Variants in CUL3 observed in about 807,000 individuals in gnomAD.
CUL3 encodes the protein cullin 3.
CUL3 carries 19 observed loss-of-function variants against 89.1 expected under a neutral mutation model. That is an observed-to-expected ratio of 0.21 (90% confidence interval 0.15 to 0.31). CUL3 has a LOEUF of 0.31. CUL3 is among the 10% of genes least tolerant of loss of function. The pLI, the probability that CUL3 is intolerant of heterozygous loss-of-function variation, is 1.00. For synonymous variants in CUL3, 351 were observed against 308.4 expected (o/e 1.14, Z -1.45); for missense variants, 469 against 942.3 (o/e 0.50, Z 6.58).
chr2:224,552,381 A>G (rs1694546176), intron 2 of CUL3, among the ~76,000 whole-genome samples: 1 of 152,196 alleles, frequency 6.6e-6, no homozygotes, highest in Admixed American at 6.5e-5. Flanking sequence ...CTAAATTCCT[A>G]TGGGTGTCAG....
chr2:224,514,493 T>A, intron 4 of CUL3, 119 bp downstream of exon 4: 1 of 800,858 alleles, frequency 1.2e-6, no homozygotes, highest in African/African-American at 1.7e-5. Context: ...TTTCTGAGGA[T>A]TTTCCCAATG....
intron 13 of CUL3, 45 bp from the exon 14 acceptor site, chr2:224,482,123 AAAGT>A (rs1691557250): frequency 6.7e-7 from 1 of 1,491,298 alleles, no homozygotes; most frequent in East Asian, 2.4e-5. Context: ...TTGAAAGATT[AAAGT>A]TAGTTAATTA....
At chr2:224,480,752 C>A (rs1053589999) in intron 14 of CUL3, among the ~76,000 whole-genome samples, 7 of 152,074 alleles carry the variant, frequency 4.6e-5, no homozygotes, top group African/African-American at 9.7e-5. Flanking sequence ...GCCCTAAAAT[C>A]CAAAACCTGC....
Position 224,513,526 on chromosome 2 carries a change from GA to G in CUL3, c.651del (p.Gln218ArgfsTer8). 6.5e-7 allele frequency: 1 copy of G among 1,543,234 alleles called. No homozygotes were observed. Among genetic ancestry groups the G allele is most frequent in the African/African-American group, 1.4e-5 (1 of 72,392 alleles). ...APFLEMSAEFFQMESQKFLAE... is the reference protein window; with the variant it reads ...APFLEMSAEFXQMESQKFLAE... Reference sequence around the variant, plus strand: ...TTATTTACATTTTCACGGATTACCTGAAAAAATTCTGCAGACATTTCCAAAA... The same window carrying G: ...TTATTTACATTTTCACGGATTACCTGAAAAATTCTGCAGACATTTCCAAAA... On this transcript the variant is annotated frameshift_variant, in exon 5 of 16. Coordinates refer to ENST00000264414, the MANE Select transcript of CUL3 (RefSeq NM_003590.5). LOFTEE classifies it high-confidence loss of function.
At chr2:224,562,084 T>A (rs1694919976) in intron 1 of CUL3, among the ~76,000 whole-genome samples, 1 of 152,170 alleles carries the variant, frequency 6.6e-6, no homozygotes, top group Admixed American at 6.5e-5. Context: ...CCAGAGTAAA[T>A]TACTAAATTT....
intron 14 of CUL3, chr2:224,480,009 A>G (rs1691473537): frequency 6.7e-6 from 1 of 149,574 alleles, no homozygotes. Flanking sequence ...CTAACACAAC[A>G]CTCCTCACTT....
chr2:224,538,825 A>G (rs1300490374), intron 2 of CUL3, among the ~76,000 whole-genome samples: 2 of 152,212 alleles, frequency 1.3e-5, no homozygotes, highest in African/African-American at 2.4e-5. Flanking sequence ...AGCTCAACAC[A>G]GTGGATCACA....
At chr2:224,492,128 A>G (rs941473554) in intron 13 of CUL3, among the ~76,000 whole-genome samples, 3 of 152,188 alleles carry the variant, frequency 2.0e-5, no homozygotes, top group Non-Finnish European at 2.9e-5. Context: ...AAATTATGCT[A>G]GCCTCAGATA....
chr2:224,560,924 T>C (rs879407123), intron 1 of CUL3, among the ~76,000 whole-genome samples: 8 of 152,232 alleles, frequency 5.3e-5, no homozygotes, highest in Non-Finnish European at 8.8e-5. Flanking sequence ...ATGCACTCCC[T>C]GGCATACATC....
chr2:224,528,909 G>A (rs1404305301), intron 3 of CUL3, among the ~76,000 whole-genome samples: 1 of 152,024 alleles, frequency 6.6e-6, no homozygotes, highest in African/African-American at 2.4e-5. Flanking sequence ...TTGTGAAAAT[G>A]ACTGGAAATA....
intron 5 of CUL3, among the ~76,000 whole-genome samples, chr2:224,512,732 TTAAG>T (rs1172125087): frequency 1.3e-5 from 2 of 152,232 alleles, no homozygotes; most frequent in Admixed American, 6.5e-5. Flanking sequence ...TACTAGTAAT[TTAAG>T]TGACTAAAAG....
intron 2 of CUL3, among the ~76,000 whole-genome samples, chr2:224,554,284 A>C (rs1694623135): frequency 6.6e-6 from 1 of 152,292 alleles, no homozygotes; most frequent in South Asian, 2.1e-4. Context: ...TCGTTTTCAG[A>C]AGATGGATGG....
intron 13 of CUL3, among the ~76,000 whole-genome samples, chr2:224,482,287 A>T (rs1037371267): frequency 6.6e-6 from 1 of 152,164 alleles, no homozygotes; most frequent in Non-Finnish European, 1.5e-5. Context: ...GTTATAAAAT[A>T]TTAAAAAGAC....
chr2:224,550,982 T>C (rs1315707622), intron 2 of CUL3, among the ~76,000 whole-genome samples: 1 of 152,124 alleles, frequency 6.6e-6, no homozygotes. Flanking sequence ...TCTTGTCCCA[T>C]TCCTCTCCAT....
chr2:224,569,032 C>CT (rs1205094065), intron 1 of CUL3, among the ~76,000 whole-genome samples: 1 of 152,128 alleles, frequency 6.6e-6, no homozygotes, highest in Non-Finnish European at 1.5e-5. Context: ...ACAATAAAAA[C>CT]TTTAAGCTAT....
intron 3 of CUL3, among the ~76,000 whole-genome samples, chr2:224,526,210 C>T (rs1389225546): frequency 6.6e-6 from 1 of 152,216 alleles, no homozygotes; most frequent in East Asian, 1.9e-4. Flanking sequence ...AAACATTCTT[C>T]TCACTACTCC....
intron 1 of CUL3, among the ~76,000 whole-genome samples, chr2:224,568,241 T>C (rs1695094772): frequency 6.6e-6 from 1 of 152,252 alleles, no homozygotes; most frequent in Admixed American, 6.5e-5. Context: ...TACTTAACTA[T>C]ACACTAAATA....
Position 224,535,511 on chromosome 2 carries a change from T to TA in CUL3, c.378+16dup. 1.3e-6 allele frequency: 2 copies of TA among 1,496,658 alleles called. No homozygotes were observed. The highest frequency in any genetic ancestry group is 1.8e-6 in the Non-Finnish European group (2 of 1,105,880). The allele number at this position is 1,496,658 out of a possible 1,614,324, so 92.7% of individuals were successfully genotyped here. On this transcript the variant is annotated intron_variant, in intron 3 of 15. Coordinates refer to ENST00000264414, the MANE Select transcript of CUL3 (RefSeq NM_003590.5). ...TAACTGCTTAAAGGAAGAAAACATT[T>TA]AAAAAGCTCTACTTACCATGTACAT...
chr2:224,541,792 G>C (rs1694115660), intron 2 of CUL3, among the ~76,000 whole-genome samples: 1 of 151,902 alleles, frequency 6.6e-6, no homozygotes, highest in Non-Finnish European at 1.5e-5. Flanking sequence ...AAAGAAACCA[G>C]ACTCAAAAGA....
Sources: gnomAD v4.1 joint callset for allele counts (sites outside exome capture counted in the v4.1 genomes callset) on GRCh38, gnomAD v4.1.1 for gene constraint, MANE v1.5 for transcripts, NCBI Gene and HGNC (gene_info 2026-07-23, HGNC 2026-07-21) for gene names.